Variants in GLT1D1 observed in about 807,000 individuals in gnomAD.
GLT1D1 encodes the protein glycosyltransferase 1 domain containing 1, also known as glycosyltransferase 1 domain-containing protein 1.
Under a neutral mutation model 28.7 loss-of-function variants are expected in GLT1D1, and 21 were observed. The observed-to-expected ratio is 0.73, with a 90% CI of 0.52 to 1.05. The LOEUF (loss-of-function observed/expected upper bound fraction) is 1.05, where lower values mean the gene tolerates loss of function less well. GLT1D1 is among the 50% of genes least tolerant of loss of function. GLT1D1 has a pLI of 0.00. For missense variants in GLT1D1, 343 were observed against 330.6 expected, an observed-to-expected ratio of 1.04 and a Z score of -0.29; for synonymous variants, 147 against 124.8, an observed-to-expected ratio of 1.18 and a Z score of -1.19.
intron 6 of GLT1D1, among the ~76,000 whole-genome samples, chr12:128,953,197 A>G (rs920092778): frequency 1.3e-5 from 2 of 152,186 alleles, no homozygotes; most frequent in Non-Finnish European, 2.9e-5. Flanking sequence ...GTTGAGTTGT[A>G]AGAGTTCTTT....
intron 1 of GLT1D1, among the ~76,000 whole-genome samples, chr12:128,857,726 G>T (rs1213982649): frequency 6.6e-6 from 1 of 152,138 alleles, no homozygotes; most frequent in Non-Finnish European, 1.5e-5. Flanking sequence ...CGTAAATCTG[G>T]AGTTCCCATC....
chr12:128,859,121 G>A (rs1413740653), intron 1 of GLT1D1, among the ~76,000 whole-genome samples: 1 of 152,180 alleles, frequency 6.6e-6, no homozygotes, highest in Non-Finnish European at 1.5e-5. Context: ...GACCTCCTGA[G>A]GGCTGTGTCA....
chr12:128,951,904 G>A (rs976047467), intron 6 of GLT1D1, among the ~76,000 whole-genome samples: 2 of 152,234 alleles, frequency 1.3e-5, no homozygotes, highest in African/African-American at 4.8e-5. Context: ...GTCGTGAGTG[G>A]GTTGTGTTGC....
intron 4 of GLT1D1, among the ~76,000 whole-genome samples, chr12:128,939,720 A>G (rs1351752350): frequency 1.3e-5 from 2 of 152,220 alleles, no homozygotes; most frequent in Middle Eastern, 3.4e-3. Context: ...CGCGTCTTAC[A>G]TGTCTGGGTC....
At chr12:128,862,741 G>A (rs544489597) in intron 1 of GLT1D1, among the ~76,000 whole-genome samples, 2 of 152,164 alleles carry the variant, frequency 1.3e-5, no homozygotes, top group Non-Finnish European at 2.9e-5. Context: ...ACACAGAGCC[G>A]GCGTCAGCAG....
At chr12:128,967,575 G>A (rs1465734929) in intron 7 of GLT1D1, among the ~76,000 whole-genome samples, 1 of 152,174 alleles carries the variant, frequency 6.6e-6, no homozygotes, top group Admixed American at 6.5e-5. Flanking sequence ...GCAGCGCTGT[G>A]CACTAGGGGA....
chr12:128,863,150 T>G (rs927381021), intron 1 of GLT1D1, among the ~76,000 whole-genome samples: 2 of 151,968 alleles, frequency 1.3e-5, no homozygotes, highest in Non-Finnish European at 2.9e-5. Flanking sequence ...ACTGGCCAGT[T>G]TATGCTTAGG....
rs796391633 is a variant in GLT1D1, at chr12:128,879,458, C to CT, written c.217+3404dup. On this transcript the variant is annotated intron_variant, in intron 2 of 7. Coordinates refer to ENST00000281703, the MANE Select transcript of GLT1D1 (RefSeq NM_144669.3). ...TCTTTCTTTCTTTCTTTCTTTCTTT[C>CT]TTTTTTTTGGGGGGGTGGGCAGAGT... Among the ~76,000 whole-genome samples the CT allele has an allele frequency of 3.4e-5, 3 of 88,300 alleles. No homozygotes were observed. In the East Asian group the frequency reaches 9.9e-4, roughly 29 times the overall value. 57.9% of individuals were successfully genotyped at this position (88,300 alleles called of 152,430 possible). A position where few individuals can be genotyped will look rare whatever the true frequency, so the allele number is the denominator to read the frequency against.
In GLT1D1 at chr12:128,947,412, T is replaced by C. The variant is rs1413341303; in HGVS notation, c.494T>C (p.Val165Ala). The change falls in exon 6 of 8, where the codon GTG becomes GCG. Residue 165 changes from valine to alanine, a missense_variant. Transcript: ENST00000281703. ...GCGGTGGTGAAGAATTGCTTCGCGG[T>C]GGTGAATAGCTCTGTCTCTGAAGGC... is the stretch of plus-strand genomic sequence containing the variant. 8 of 1,613,910 alleles carry C rather than the reference T, an allele frequency of 5.0e-6. No individual in the cohort carries two copies. The highest frequency in any genetic ancestry group is 1.1e-5 in the South Asian group (1 of 91,080).
chr12:128,891,716 G>T lies in GLT1D1; in HGVS notation c.323+2972G>T, dbSNP rs370466859. ...GTGTCAGTCTCGCTTCTGAAAACCA[G>T]GGTTACTGAGAGGTATCACTGCATT... On this transcript the variant is annotated intron_variant, in intron 3 of 7. Transcript: ENST00000281703. 4.5e-4 allele frequency among the ~76,000 whole-genome samples: 69 copies of T among 152,226 alleles called. 1 individual carries two copies. The highest frequency in any genetic ancestry group is 9.4e-4 in the African/African-American group (39 of 41,536).
intron 7 of GLT1D1, among the ~76,000 whole-genome samples, chr12:128,980,352 T>C (rs1357128016): frequency 6.6e-6 from 1 of 152,186 alleles, no homozygotes; most frequent in African/African-American, 2.4e-5. Context: ...ACTTCAAACA[T>C]TCACGGTTCT....
rs1189069162 is a variant in GLT1D1, at chr12:128,926,232, TAATAAG to T, written c.376-19092_376-19087del. 4.6e-3 allele frequency: 1,188 copies of T among 259,224 alleles called. 14 individuals are homozygous for T. The highest frequency in any genetic ancestry group is 0.026 in the African/African-American group (1,104 of 42,298). The allele number at this position is 259,224 out of a possible 1,614,324, so 16.1% of individuals were successfully genotyped here. A position where few individuals can be genotyped will look rare whatever the true frequency, so the allele number is the denominator to read the frequency against. Reference sequence around the variant, plus strand: ...ATAATAATAATAATAATAATAATAATAATAAGAGTAGGAGAAGCTGGCCTCGAAGTC... The same window carrying T: ...ATAATAATAATAATAATAATAATAATAGTAGGAGAAGCTGGCCTCGAAGTC... On this transcript the variant is annotated intron_variant, in intron 4 of 7. Transcript: ENST00000281703.
chr12:128,956,158 CAAAAA>C (rs1555219265), intron 6 of GLT1D1, among the ~76,000 whole-genome samples: 1 of 7,476 alleles, frequency 1.3e-4, no homozygotes, highest in East Asian at 3.7e-3. Context: ...GACTCCATCT[CAAAAA>C]AAAAAAAAAG....
At chr12:128,869,019 A>C (rs1321310764) in intron 1 of GLT1D1, among the ~76,000 whole-genome samples, 1 of 151,718 alleles carries the variant, frequency 6.6e-6, no homozygotes, top group African/African-American at 2.4e-5. Flanking sequence ...ATAGGCATGC[A>C]CTACCACGCC....
At chr12:128,920,335 T>C (rs980755426) in intron 4 of GLT1D1, among the ~76,000 whole-genome samples, 8 of 152,242 alleles carry the variant, frequency 5.3e-5, no homozygotes, top group Admixed American at 1.3e-4. Flanking sequence ...AGCGGATCAC[T>C]TGAGGGTCAG....
chr12:128,945,564 T>C (rs1875959120), intron 5 of GLT1D1, among the ~76,000 whole-genome samples, 195 bp downstream of exon 9: 1 of 152,204 alleles, frequency 6.6e-6, no homozygotes, highest in African/African-American at 2.4e-5. Context: ...AAAAATCACT[T>C]TGTGATTATA....
intron 4 of GLT1D1, 46 bp downstream of exon 5, chr12:128,912,506 A>G: frequency 9.8e-7 from 1 of 1,018,102 alleles, no homozygotes; most frequent in Non-Finnish European, 1.4e-6. Flanking sequence ...GGGATAGAGA[A>G]TGAATATATC....
rs150980736 is a variant in GLT1D1 at position 128,972,857 on chromosome 12, T to C, written c.640-10072T>C. Reference sequence around the variant, plus strand: ...CTTAGTGTTTCGCTGTGTGCATCCATTGTGCAATGATGAAATCGAGCTAAT... The same window carrying C: ...CTTAGTGTTTCGCTGTGTGCATCCACTGTGCAATGATGAAATCGAGCTAAT... On this transcript the variant is annotated intron_variant, in intron 7 of 7. Coordinates refer to ENST00000281703, the MANE Select transcript of GLT1D1 (RefSeq NM_144669.3). Among the ~76,000 whole-genome samples the C allele has an allele frequency of 2.1e-3, 315 of 152,346 alleles. 1 individual carries two copies. The highest frequency in any genetic ancestry group is 7.3e-3 in the African/African-American group (305 of 41,574).
At chr12:128,876,830 AT>A (rs1287385980) in intron 2 of GLT1D1, among the ~76,000 whole-genome samples, 1 of 152,222 alleles carries the variant, frequency 6.6e-6, no homozygotes, top group Non-Finnish European at 1.5e-5. Flanking sequence ...TGCAGAACTG[AT>A]TAACATCCAA....
Sources: gnomAD v4.1 joint callset for allele counts (sites outside exome capture counted in the v4.1 genomes callset) on GRCh38, gnomAD v4.1.1 for gene constraint, MANE v1.5 for transcripts, NCBI Gene and HGNC (gene_info 2026-07-23, HGNC 2026-07-21) for gene names.